Variants in TENM3 observed in about 807,000 individuals in gnomAD.
TENM3 encodes the protein teneurin-3.
A neutral mutation model predicts 255.1 loss-of-function variants in TENM3; 63 were observed. The observed-to-expected ratio is 0.25, with a 90% CI of 0.20 to 0.30. The LOEUF (loss-of-function observed/expected upper bound fraction) is 0.30, where lower values mean the gene tolerates loss of function less well. TENM3 is among the 10% of genes least tolerant of loss of function. The probability of loss-of-function intolerance (pLI) is 1.00; values close to 1 mark genes in which losing one functional copy is unlikely to be tolerated. For synonymous variants in TENM3, 1,306 were observed against 1,322.3 expected (o/e 0.99, Z 0.27); for missense variants, 2,929 against 3,461.1 (o/e 0.85, Z 3.86).
the TENM3 span, among the ~76,000 whole-genome samples, chr4:181,598,038 A>C: frequency 6.6e-6 from 1 of 152,168 alleles, no homozygotes; most frequent in Non-Finnish European, 1.5e-5. Context: ...GGCACCACTA[A>C]CTTTGTCTGC....
At chr4:181,457,385 T>A in the TENM3 span, among the ~76,000 whole-genome samples, 753 of 151,878 alleles carry the variant, frequency 5.0e-3, 5 homozygotes, top group African/African-American at 0.017. Context: ...AATTAGAATT[T>A]ATTTTGGAAG....
At chr4:181,967,574 G>GA in the TENM3 span, among the ~76,000 whole-genome samples, 3 of 152,084 alleles carry the variant, frequency 2.0e-5, no homozygotes, top group Non-Finnish European at 4.4e-5. Flanking sequence ...TTTCCTTGGG[G>GA]CAGTGGGCAT....
At chr4:181,866,078 G>T in the TENM3 span, among the ~76,000 whole-genome samples, 1 of 152,148 alleles carries the variant, frequency 6.6e-6, no homozygotes, top group South Asian at 2.1e-4. Context: ...AATGGTTTTT[G>T]CAAGGGAAAA....
At chr4:181,454,668 A>ATACCATTTTTATACTTTTTTTTTTTT in the TENM3 span, among the ~76,000 whole-genome samples, 3 of 88,172 alleles carry the variant, frequency 3.4e-5, no homozygotes, top group Non-Finnish European at 6.6e-5. Flanking sequence ...TATGTTTTTT[A>ATACCATTTTTATACTTTTTTTTTTTT]TACCATTTTT....
chr4:182,794,181 C>T (rs577751526), intron 26 of TENM3, among the ~76,000 whole-genome samples: 1 of 152,168 alleles, frequency 6.6e-6, no homozygotes, highest in Non-Finnish European at 1.5e-5. Flanking sequence ...ATGATGAACA[C>T]AGAGTCCCAA....
chr4:182,166,323 G>A (rs1396658179), intron 1 of TENM3, among the ~76,000 whole-genome samples: 1 of 152,162 alleles, frequency 6.6e-6, no homozygotes, highest in African/African-American at 2.4e-5. Context: ...CAGCATTGAC[G>A]ATATGATTGA....
chr4:181,703,518 C>T, the TENM3 span, among the ~76,000 whole-genome samples: 1 of 152,166 alleles, frequency 6.6e-6, no homozygotes, highest in Non-Finnish European at 1.5e-5. Flanking sequence ...CATATTGATG[C>T]GTTAAAACCT....
At chr4:182,758,843 C>A (rs1416662417) in intron 22 of TENM3, among the ~76,000 whole-genome samples, 2 of 152,128 alleles carry the variant, frequency 1.3e-5, no homozygotes, top group Non-Finnish European at 2.9e-5. Flanking sequence ...GACACCAGTC[C>A]CTTGAGCTCT....
rs1761738564 is a variant in TENM3, at chr4:182,743,245, A to G, written c.3455A>G (p.Asn1152Ser). ...QPPVVSSIMG[N>S]GRRRSISCPS... ...CCAGTCGTGAGTAGCATCATGGGCAATGGGCGAAGGCGCAGCATTTCCTGC... is the reference window on the plus strand; with the variant it reads ...CCAGTCGTGAGTAGCATCATGGGCAGTGGGCGAAGGCGCAGCATTTCCTGC... Residue 1152 changes from asparagine (N) to serine (S), a missense_variant, in exon 19 of 28, where the codon AAT becomes AGT. Transcript: ENST00000511685. 1.2e-6 allele frequency: 2 copies of G among 1,614,036 alleles called. No homozygotes were observed. Among genetic ancestry groups the G allele is most frequent in the East Asian group, 2.2e-5 (1 of 44,882 alleles).
the TENM3 span, among the ~76,000 whole-genome samples, chr4:181,961,790 G>A: frequency 2.0e-5 from 3 of 152,038 alleles, no homozygotes; most frequent in Admixed American, 2.0e-4. Context: ...TCAACATGTT[G>A]GCTTATACAA....
upstream of TENM3, among the ~76,000 whole-genome samples, chr4:182,139,860 T>G (rs1201561863): frequency 4.6e-5 from 7 of 152,220 alleles, no homozygotes; most frequent in African/African-American, 1.4e-4. Flanking sequence ...TACAAACGAA[T>G]GTACTGGAGA....
At chr4:182,453,923 A>G (rs1468336530) in intron 3 of TENM3, among the ~76,000 whole-genome samples, 2 of 152,168 alleles carry the variant, frequency 1.3e-5, no homozygotes, top group Admixed American at 6.5e-5. Context: ...CTTCTGCTTC[A>G]AAGTTGTACA....
the TENM3 span, among the ~76,000 whole-genome samples, chr4:181,753,420 A>G: frequency 6.6e-6 from 1 of 152,188 alleles, no homozygotes; most frequent in Non-Finnish European, 1.5e-5. Context: ...CAGGCTGTAC[A>G]GATGGAGACG....
chr4:181,682,799 G>T, the TENM3 span, among the ~76,000 whole-genome samples: 10 of 152,192 alleles, frequency 6.6e-5, no homozygotes, highest in African/African-American at 1.9e-4. Context: ...TGCAGTGCTT[G>T]AGCTGAGGTG....
chr4:181,536,493 G>C, the TENM3 span, among the ~76,000 whole-genome samples: 1 of 152,172 alleles, frequency 6.6e-6, no homozygotes, highest in Non-Finnish European at 1.5e-5. Context: ...GTTAGAGTTG[G>C]AGATATTGTC....
chr4:182,045,307 T>C, the TENM3 span, among the ~76,000 whole-genome samples: 2 of 151,978 alleles, frequency 1.3e-5, no homozygotes, highest in African/African-American at 4.8e-5. Context: ...TTCAGGCTGA[T>C]TGAATGCTTT....
At chr4:181,664,873 T>A in the TENM3 span, among the ~76,000 whole-genome samples, 1 of 152,212 alleles carries the variant, frequency 6.6e-6, no homozygotes, top group Admixed American at 6.5e-5. Context: ...TTTACCCCCA[T>A]GCTCCTTGTC....
the TENM3 span, among the ~76,000 whole-genome samples, chr4:181,986,205 C>A: frequency 1.8e-3 from 268 of 152,164 alleles, no homozygotes; most frequent in Non-Finnish European, 3.1e-3. Flanking sequence ...ATAAAACCAG[C>A]AGATTTCCCT....
the TENM3 span, among the ~76,000 whole-genome samples, chr4:181,977,203 C>A: frequency 2.6e-5 from 4 of 152,098 alleles, no homozygotes; most frequent in South Asian, 4.2e-4. Flanking sequence ...ATAGTACCTA[C>A]CCCCATAGGA....
Sources: gnomAD v4.1 joint callset for allele counts (sites outside exome capture counted in the v4.1 genomes callset) on GRCh38, gnomAD v4.1.1 for gene constraint, MANE v1.5 for transcripts, NCBI Gene and HGNC (gene_info 2026-07-23, HGNC 2026-07-21) for gene names.